PPIG: variants seen among roughly 807,000 people sequenced by gnomAD.
The protein encoded by PPIG is peptidyl-prolyl cis-trans isomerase G.
PPIG carries 26 observed loss-of-function variants against 87.9 expected under a neutral mutation model. The observed-to-expected ratio is 0.30, with a 90% CI of 0.22 to 0.41. PPIG has a LOEUF of 0.41. Ranked by LOEUF, PPIG falls within the 10% of genes least tolerant of loss-of-function variation. PPIG has a pLI of 1.00. For synonymous variants in PPIG, 308 were observed against 276.5 expected (o/e 1.11, Z -1.13); for missense variants, 722 against 879.4 (o/e 0.82, Z 2.26).
rs1207427588 is a variant in PPIG at position 169,630,962 on chromosome 2, A to G, written c.736A>G (p.Lys246Glu). 15 of 1,595,136 alleles carry G rather than the reference A, an allele frequency of 9.4e-6. No individual in the cohort carries two copies. Among genetic ancestry groups the G allele is most frequent in the Non-Finnish European group, 1.2e-5 (14 of 1,175,550 alleles). ...TTCCCGAAAACACAAGAAAGAAAAG[A>G]AAAAGCGAAAGAAAAGCAAGAAGAG... The part of the protein sequence containing the change: ...KNSRKHKKEK[K>E]KRKKSKKSAS... Residue 246 changes from lysine to glutamate, a missense_variant, in exon 10 of 14, where the codon AAA becomes GAA. Around this residue, in one of 4 missense-constraint regions of PPIG, gnomAD observed 142 missense variants for 152.8 expected, o/e 0.93. Transcript: ENST00000260970.
chr2:169,598,654 A>G (rs926602952), intron 1 of PPIG, among the ~76,000 whole-genome samples: 1 of 151,984 alleles, frequency 6.6e-6, no homozygotes, highest in South Asian at 2.1e-4. Flanking sequence ...AGTTCTCCCT[A>G]TCTTGGAGAC....
Position 169,621,501 on chromosome 2 carries a change from A to G in PPIG, c.547+6777A>G, listed in dbSNP as rs552522851. On this transcript the variant is annotated intron_variant, in intron 9 of 13. Coordinates refer to ENST00000260970, the MANE Select transcript of PPIG (RefSeq NM_004792.3). ...ATGCCTTTTTTCTTGAAGATTCAGT[A>G]AAAAACAAGATGTTGAGAATCTTTG... 3.3e-5 allele frequency among the ~76,000 whole-genome samples: 5 copies of G among 152,238 alleles called. No homozygotes were observed. In the South Asian group the frequency reaches 1.0e-3, roughly 32 times the overall value.
At chr2:169,593,144 C>T (rs546270477) in intron 1 of PPIG, among the ~76,000 whole-genome samples, 28 of 148,544 alleles carry the variant, frequency 1.9e-4, no homozygotes, top group Middle Eastern at 3.2e-3. Context: ...ATATATATAT[C>T]TTAGGAATTT....
intron 9 of PPIG, among the ~76,000 whole-genome samples, chr2:169,625,698 C>T (rs1685865178): frequency 6.6e-6 from 1 of 152,038 alleles, no homozygotes; most frequent in Admixed American, 6.6e-5. Flanking sequence ...CCTGCTATTT[C>T]CTTTCTCTTT....
intron 9 of PPIG, among the ~76,000 whole-genome samples, chr2:169,627,956 G>A (rs904572274): frequency 2.0e-5 from 3 of 151,884 alleles, no homozygotes; most frequent in Non-Finnish European, 4.4e-5. Flanking sequence ...TTTATTTTCT[G>A]TGTTAGATTT....
chr2:169,589,660 G>T lies in PPIG; in HGVS notation c.-70+5170G>T, dbSNP rs184593026. Among the ~76,000 whole-genome samples, 1,425 of 151,046 alleles carry T rather than the reference G, an allele frequency of 9.4e-3. 30 individuals carry two copies. Among genetic ancestry groups the T allele is most frequent in the African/African-American group, 0.033 (1,360 of 40,950 alleles). On this transcript the variant is annotated intron_variant, in intron 1 of 13. Transcript: ENST00000260970. ...TGGATTCTGGTTTTGGGGTTTTTTT[G>T]GGGGGGGTTGTTTTTTTGGGAAACA...
At chr2:169,629,142 G>C (rs1031083172) in intron 9 of PPIG, among the ~76,000 whole-genome samples, 2 of 151,916 alleles carry the variant, frequency 1.3e-5, no homozygotes, top group African/African-American at 4.8e-5. Flanking sequence ...TTTTATTGTG[G>C]AACATACTAA....
intron 5 of PPIG, among the ~76,000 whole-genome samples, chr2:169,606,393 ACCAGC>A (rs1481216250): frequency 6.6e-6 from 1 of 152,066 alleles, no homozygotes; most frequent in East Asian, 1.9e-4. Context: ...GTAGTTCGAG[ACCAGC>A]CTGGCCAACA....
intron 7 of PPIG, among the ~76,000 whole-genome samples, chr2:169,610,253 C>T (rs1171803635): frequency 2.6e-5 from 4 of 152,186 alleles, no homozygotes; most frequent in African/African-American, 9.6e-5. Context: ...CTAGAATGAA[C>T]AGTTGCCATC....
At chr2:169,625,468 T>C (rs2105512231) in intron 9 of PPIG, among the ~76,000 whole-genome samples, 1 of 152,320 alleles carries the variant, frequency 6.6e-6, no homozygotes, top group Non-Finnish European at 1.5e-5. Flanking sequence ...CTACACCCTG[T>C]ATAAAACTAC....
At chr2:169,614,770 T>C (rs1244729687) in intron 9 of PPIG, 46 bp downstream of exon 9, 1 of 1,526,956 alleles carries the variant, frequency 6.5e-7, no homozygotes, top group South Asian at 1.3e-5. Context: ...ACATACAAAA[T>C]AAGCAGAGAT....
chr2:169,594,928 T>C (rs1684978936), intron 1 of PPIG, among the ~76,000 whole-genome samples: 1 of 151,728 alleles, frequency 6.6e-6, no homozygotes, highest in Admixed American at 6.6e-5. Context: ...GGCAGTTTTA[T>C]TTTATTTTAT....
chr2:169,615,708 A>C (rs763151554), intron 9 of PPIG, among the ~76,000 whole-genome samples: 16 of 142,862 alleles, frequency 1.1e-4, no homozygotes, highest in Non-Finnish European at 1.7e-4. Flanking sequence ...TGTTGGTGGA[A>C]ACAGGTTGAT....
At chr2:169,620,183 G>A (rs541156216) in intron 9 of PPIG, among the ~76,000 whole-genome samples, 13 of 152,092 alleles carry the variant, frequency 8.5e-5, no homozygotes, top group African/African-American at 2.6e-4. Context: ...AGCTTTTTCC[G>A]TGTGTTTTCT....
intron 1 of PPIG, among the ~76,000 whole-genome samples, chr2:169,600,294 C>T (rs562591811): frequency 9.2e-5 from 14 of 151,914 alleles, no homozygotes; most frequent in Non-Finnish European, 1.9e-4. Flanking sequence ...AGGCTGGTCT[C>T]GAACAGCTGG....
chr2:169,614,940 T>C (rs565243808), intron 9 of PPIG, among the ~76,000 whole-genome samples: 1 of 152,232 alleles, frequency 6.6e-6, no homozygotes, highest in Non-Finnish European at 1.5e-5. Context: ...ATGTATATGT[T>C]GTGGAATGGC....
intron 9 of PPIG, among the ~76,000 whole-genome samples, chr2:169,617,888 A>T (rs149384101): frequency 6.6e-6 from 1 of 152,164 alleles, no homozygotes; most frequent in Non-Finnish European, 1.5e-5. Context: ...TTTCAATACT[A>T]TGTTGAATAG....
At chr2:169,605,065 G>A (rs1010943838) in intron 4 of PPIG, among the ~76,000 whole-genome samples, 13 of 152,212 alleles carry the variant, frequency 8.5e-5, no homozygotes, top group Admixed American at 3.9e-4. Flanking sequence ...CAGGCGTGGT[G>A]GCTCACGCCT....
At chr2:169,585,685 T>C (rs1684682199) in intron 1 of PPIG, among the ~76,000 whole-genome samples, 1 of 152,220 alleles carries the variant, frequency 6.6e-6, no homozygotes, top group South Asian at 2.1e-4. Context: ...GATAGCCCTT[T>C]CTGTGTGTAA....
Sources: gnomAD v4.1 joint callset for allele counts (sites outside exome capture counted in the v4.1 genomes callset) on GRCh38, gnomAD v4.1.1 for gene constraint, gnomAD v4.1.1 regional missense constraint, MANE v1.5 for transcripts, NCBI Gene and HGNC (gene_info 2026-07-23, HGNC 2026-07-21) for gene names.